The following TOM1L2 variants were observed in gnomAD, a reference collection of about 807,000 sequenced individuals.
The protein encoded by TOM1L2 is TOM1-like protein 2.
Under a neutral mutation model 67.9 loss-of-function variants are expected in TOM1L2, and 31 were observed. That is an observed-to-expected ratio of 0.46 (90% CI 0.34 to 0.62). TOM1L2 has a LOEUF of 0.62. TOM1L2 is among the 20% of genes least tolerant of loss of function. The pLI is 0.01. For synonymous variants in TOM1L2, 256 were observed against 254.0 expected (o/e 1.01, Z -0.07); for missense variants, 606 against 663.5 (o/e 0.91, Z 0.95).
At chr17:17,932,174 T>G (rs2040362509) in intron 1 of TOM1L2, among the ~76,000 whole-genome samples, 1 of 152,266 alleles carries the variant, frequency 6.6e-6, no homozygotes, top group South Asian at 2.1e-4. Context: ...CTAGTAATTC[T>G]TAAGTGACTT....
At chr17:17,902,828 G>A (rs990398684) in intron 2 of TOM1L2, among the ~76,000 whole-genome samples, 5 of 152,230 alleles carry the variant, frequency 3.3e-5, no homozygotes, top group African/African-American at 1.2e-4. Flanking sequence ...TATGTAGCCA[G>A]ATACATCATA....
chr17:17,876,030 C>T (rs1273369275), intron 7 of TOM1L2, among the ~76,000 whole-genome samples: 2 of 152,192 alleles, frequency 1.3e-5, no homozygotes, highest in Non-Finnish European at 2.9e-5. Context: ...TGCTGATGAA[C>T]GGCCACAGAA....
chr17:17,943,101 A>G (rs1238745285), intron 1 of TOM1L2, among the ~76,000 whole-genome samples: 1 of 152,226 alleles, frequency 6.6e-6, no homozygotes, highest in Non-Finnish European at 1.5e-5. Context: ...ACAGAGGTTC[A>G]TTACACTGTT....
intron 1 of TOM1L2, among the ~76,000 whole-genome samples, chr17:17,927,558 A>G (rs2040145720): frequency 6.6e-6 from 1 of 152,256 alleles, no homozygotes; most frequent in African/African-American, 2.4e-5. Context: ...ATGGCCACAG[A>G]AAACACTAGG....
intron 1 of TOM1L2, among the ~76,000 whole-genome samples, chr17:17,911,532 T>C (rs2039349180): frequency 6.6e-6 from 1 of 152,222 alleles, no homozygotes; most frequent in Non-Finnish European, 1.5e-5. Context: ...TAAATGAGAC[T>C]GAACTTTGCT....
intron 12 of TOM1L2, among the ~76,000 whole-genome samples, chr17:17,855,385 C>A (rs1299728004): frequency 6.6e-6 from 1 of 152,198 alleles, no homozygotes; most frequent in Non-Finnish European, 1.5e-5. Context: ...TACCTCTGTT[C>A]TTGTTTTGAC....
rs182181044 is a variant in TOM1L2, at chr17:17,889,807, C to T, written c.366+3854G>A. On this transcript the variant is annotated intron_variant, in intron 4 of 14. Transcript: ENST00000379504. ...TGTCATCTGCAAACCTTTGCTTCTC[C>T]AGTTAAACTGCAGGCTCCCTGAGGG... 2.6e-3 allele frequency among the ~76,000 whole-genome samples: 389 copies of T among 152,330 alleles called. 4 individuals are homozygous for T. The highest frequency in any genetic ancestry group is 8.9e-3 in the African/African-American group (370 of 41,578).
chr17:17,855,784 GA>G (rs570069284), intron 12 of TOM1L2, among the ~76,000 whole-genome samples: 100 of 152,262 alleles, frequency 6.6e-4, no homozygotes, highest in African/African-American at 2.4e-3. Flanking sequence ...GAGAAGCTGT[GA>G]ATCCCTTCCT....
intron 1 of TOM1L2, among the ~76,000 whole-genome samples, chr17:17,928,171 G>A (rs192310201): frequency 6.6e-6 from 1 of 151,002 alleles, no homozygotes; most frequent in Non-Finnish European, 1.5e-5. Flanking sequence ...AAAAAAATCA[G>A]TAGGAGACAG....
chr17:17,849,601 G>T (rs927957303), intron 13 of TOM1L2, among the ~76,000 whole-genome samples: 13 of 152,214 alleles, frequency 8.5e-5, no homozygotes, highest in African/African-American at 2.7e-4. Context: ...TGAGCTCATG[G>T]GGTTCCCTGG....
intron 1 of TOM1L2, among the ~76,000 whole-genome samples, chr17:17,912,941 C>T (rs922447336): frequency 3.9e-5 from 6 of 152,212 alleles, no homozygotes; most frequent in Admixed American, 6.5e-5. Flanking sequence ...CCCGGCACCT[C>T]GGGAGGCCGA....
intron 1 of TOM1L2, among the ~76,000 whole-genome samples, chr17:17,951,350 T>C (rs1186385101): frequency 6.6e-6 from 1 of 152,166 alleles, no homozygotes; most frequent in Admixed American, 6.5e-5. Flanking sequence ...AATTAAAGAA[T>C]ATACAAAATG....
At chr17:17,952,384 T>C (rs2041244198) in intron 1 of TOM1L2, among the ~76,000 whole-genome samples, 1 of 40,308 alleles carries the variant, frequency 2.5e-5, no homozygotes, top group African/African-American at 1.2e-4. Flanking sequence ...TTCTTTTTTT[T>C]TTTTTTTTTT....
chr17:17,924,982 G>C (rs1002014120), intron 1 of TOM1L2, among the ~76,000 whole-genome samples: 1 of 152,098 alleles, frequency 6.6e-6, no homozygotes, highest in Non-Finnish European at 1.5e-5. Flanking sequence ...GATAATTCTT[G>C]CAATATCTGG....
chr17:17,900,167 C>A (rs918170771), intron 2 of TOM1L2, among the ~76,000 whole-genome samples: 1 of 151,018 alleles, frequency 6.6e-6, no homozygotes, highest in African/African-American at 2.4e-5. Context: ...GAGCTGAGAT[C>A]ACGCCATTGT....
intron 6 of TOM1L2, among the ~76,000 whole-genome samples, chr17:17,880,928 C>T (rs1412275796): frequency 1.3e-5 from 2 of 152,210 alleles, no homozygotes; most frequent in Admixed American, 6.5e-5. Context: ...TCTGACTCTC[C>T]CCACCCCATC....
chr17:17,906,511 A>G (rs2039105634), intron 2 of TOM1L2, among the ~76,000 whole-genome samples: 1 of 151,704 alleles, frequency 6.6e-6, no homozygotes, highest in Admixed American at 6.6e-5. Flanking sequence ...TCTTGTCCTC[A>G]TCTGACCAGG....
chr17:17,910,805 G>A (rs1010777665), intron 1 of TOM1L2, among the ~76,000 whole-genome samples: 7 of 152,140 alleles, frequency 4.6e-5, no homozygotes, highest in African/African-American at 1.4e-4. Flanking sequence ...CTGACCTCAG[G>A]TGCTCCACCC....
intron 4 of TOM1L2, among the ~76,000 whole-genome samples, chr17:17,891,833 G>A (rs147956954): frequency 3.3e-5 from 5 of 151,868 alleles, no homozygotes; most frequent in African/African-American, 1.2e-4. Flanking sequence ...GAGGGAGACA[G>A]AGAGACAGAA....
Sources: gnomAD v4.1 joint callset for allele counts (sites outside exome capture counted in the v4.1 genomes callset) on GRCh38, gnomAD v4.1.1 for gene constraint, MANE v1.5 for transcripts, NCBI Gene and HGNC (gene_info 2026-07-23, HGNC 2026-07-21) for gene names.